The following PSD3 variants were observed in gnomAD, a reference collection of about 807,000 sequenced individuals.
The protein encoded by PSD3 is PH and SEC7 domain-containing protein 3.
PSD3 carries 49 observed loss-of-function variants against 105.5 expected under a neutral mutation model. That is an observed-to-expected ratio of 0.46 (90% confidence interval 0.37 to 0.59). The LOEUF is 0.59. Ranked by LOEUF, PSD3 falls within the 20% of genes least tolerant of loss-of-function variation. The pLI is 0.00. For missense variants in PSD3, 1,561 were observed against 1,263.8 expected (o/e 1.24, Z -3.57); for synonymous variants, 557 against 457.8 (o/e 1.22, Z -2.77).
chr8:18,752,530 T>TTA (rs1554489448), intron 9 of PSD3, among the ~76,000 whole-genome samples: 66 of 48,242 alleles, frequency 1.4e-3, no homozygotes, highest in African/African-American at 9.2e-3. Flanking sequence ...ATATATATAA[T>TTA]TATATATTAT....
chr8:18,804,024 A>G (rs1282875899), intron 6 of PSD3, among the ~76,000 whole-genome samples: 18 of 152,150 alleles, frequency 1.2e-4, no homozygotes, highest in Non-Finnish European at 2.6e-4. Context: ...TTTGCTACCA[A>G]TTGTTTACCA....
chr8:18,929,617 G>C (rs1821604539), intron 2 of PSD3, among the ~76,000 whole-genome samples: 1 of 152,060 alleles, frequency 6.6e-6, no homozygotes, highest in Non-Finnish European at 1.5e-5. Flanking sequence ...GGCCTGCTAA[G>C]GACACACACT....
intron 1 of PSD3, among the ~76,000 whole-genome samples, chr8:19,060,497 G>C (rs1320197353): frequency 6.6e-6 from 1 of 152,136 alleles, no homozygotes; most frequent in Non-Finnish European, 1.5e-5. Flanking sequence ...AGCCAGATGT[G>C]ATGGCACACA....
intron 11 of PSD3, among the ~76,000 whole-genome samples, chr8:18,614,851 G>C (rs1176184325): frequency 6.6e-6 from 1 of 151,534 alleles, no homozygotes; most frequent in Admixed American, 6.6e-5. Context: ...GCCCCGGCTG[G>C]TCTCGAACTG....
intron 11 of PSD3, among the ~76,000 whole-genome samples, chr8:18,603,997 T>C (rs909497956): frequency 1.3e-5 from 2 of 152,190 alleles, no homozygotes; most frequent in African/African-American, 4.8e-5. Context: ...TATAGCAGTA[T>C]GAAAATGGAC....
chr8:19,065,345 G>C (rs1390548146), intron 1 of PSD3, among the ~76,000 whole-genome samples: 1 of 152,100 alleles, frequency 6.6e-6, no homozygotes, highest in Non-Finnish European at 1.5e-5. Context: ...GCTCTGCGGT[G>C]GACATCAGCT....
At chr8:18,778,755 T>C (rs924579414) in intron 8 of PSD3, among the ~76,000 whole-genome samples, 4 of 152,110 alleles carry the variant, frequency 2.6e-5, no homozygotes, top group South Asian at 4.1e-4. Flanking sequence ...TGACGTATCA[T>C]GTTTATTGAT....
At chr8:18,799,476 C>T (rs369914148) in intron 7 of PSD3, 123 bp from the exon 8 acceptor site, 3 of 751,454 alleles carry the variant, frequency 4.0e-6, no homozygotes, top group African/African-American at 1.8e-5. Context: ...TACAATTAGT[C>T]CTGTTTTAAG....
chr8:18,983,239 T>C (rs1443747006), intron 1 of PSD3, among the ~76,000 whole-genome samples: 1 of 152,228 alleles, frequency 6.6e-6, no homozygotes, highest in African/African-American at 2.4e-5. Flanking sequence ...GGAGGCTTGC[T>C]CTGAATTAGG....
chr8:19,053,737 A>G (rs926321764), intron 1 of PSD3, among the ~76,000 whole-genome samples: 14 of 152,238 alleles, frequency 9.2e-5, no homozygotes, highest in Non-Finnish European at 1.5e-4. Context: ...GAAAAAAAAA[A>G]AAGTGACATG....
intron 11 of PSD3, among the ~76,000 whole-genome samples, chr8:18,615,258 A>T (rs1264461985): frequency 6.6e-6 from 1 of 151,536 alleles, no homozygotes; most frequent in Admixed American, 6.6e-5. Flanking sequence ...CATTCCAATT[A>T]CCCCCAACCT....
intron 9 of PSD3, among the ~76,000 whole-genome samples, chr8:18,673,381 T>G (rs1162929726): frequency 6.6e-6 from 1 of 152,198 alleles, no homozygotes; most frequent in Non-Finnish European, 1.5e-5. Flanking sequence ...TTTTGTAAGA[T>G]TTTTGATTTC....
intron 1 of PSD3, among the ~76,000 whole-genome samples, chr8:18,941,945 T>A (rs1043076157): frequency 6.6e-6 from 1 of 152,090 alleles, no homozygotes; most frequent in African/African-American, 2.4e-5. Context: ...AGTGCTGGGA[T>A]TACAACAGGT....
At chr8:18,652,341 G>C (rs1808549968) in intron 10 of PSD3, among the ~76,000 whole-genome samples, 1 of 152,044 alleles carries the variant, frequency 6.6e-6, no homozygotes, top group African/African-American at 2.4e-5. Context: ...ATTGGAAGAA[G>C]ACAATTCAAA....
intron 9 of PSD3, among the ~76,000 whole-genome samples, chr8:18,727,416 G>A (rs1437818516): frequency 6.6e-6 from 1 of 151,342 alleles, no homozygotes; most frequent in Non-Finnish European, 1.5e-5. Context: ...AGCTGAGGCA[G>A]GGAGAACTCC....
intron 3 of PSD3, among the ~76,000 whole-genome samples, chr8:18,869,572 A>T (rs1368806864): frequency 6.6e-6 from 1 of 152,158 alleles, no homozygotes; most frequent in African/African-American, 2.4e-5. Context: ...GGAAGCACAC[A>T]CTAGTCAGGG....
At chr8:18,740,698 C>T (rs894721648) in intron 9 of PSD3, among the ~76,000 whole-genome samples, 2 of 152,164 alleles carry the variant, frequency 1.3e-5, no homozygotes, top group Admixed American at 6.5e-5. Flanking sequence ...ATGACCCTAC[C>T]AGGTACTTAA....
chr8:19,062,100 G>A (rs138983771), intron 1 of PSD3, among the ~76,000 whole-genome samples: 1,573 of 152,246 alleles, frequency 0.01, 15 homozygotes, highest in Non-Finnish European at 0.015. Context: ...ATGGCACCTA[G>A]TTCATCCAGA....
At chr8:18,932,380 T>C (rs1052183593) in intron 2 of PSD3, among the ~76,000 whole-genome samples, 7 of 151,950 alleles carry the variant, frequency 4.6e-5, no homozygotes, top group Non-Finnish European at 1.0e-4. Context: ...AGTCAGAGAG[T>C]TTCAAAAACA....
Sources: gnomAD v4.1 joint callset for allele counts (sites outside exome capture counted in the v4.1 genomes callset) on GRCh38, gnomAD v4.1.1 for gene constraint, MANE v1.5 for transcripts, NCBI Gene and HGNC (gene_info 2026-07-23, HGNC 2026-07-21) for gene names.